The following ZC3H12B variants were observed in gnomAD, a reference collection of about 807,000 sequenced individuals.
ZC3H12B encodes probable ribonuclease ZC3H12B.
In ZC3H12B, 7 loss-of-function variants were observed where a neutral mutation model predicts 43.9. The observed-to-expected ratio is 0.16, with a 90% CI of 0.09 to 0.30. The LOEUF is 0.30. ZC3H12B is among the 10% of genes least tolerant of loss of function. The probability of loss-of-function intolerance (pLI) is 1.00; values close to 1 mark genes in which losing one functional copy is unlikely to be tolerated. For missense variants in ZC3H12B, 475 were observed against 670.2 expected, an observed-to-expected ratio of 0.71 and a Z score of 3.22; for synonymous variants, 222 against 241.7, an observed-to-expected ratio of 0.92 and a Z score of 0.76.
chrX:65,200,945 T>C, the ZC3H12B span, among the ~76,000 whole-genome samples: 432 of 111,502 alleles, frequency 3.9e-3, no homozygotes, highest in African/African-American at 0.013. Flanking sequence ...GGTTTGCCAG[T>C]ATTTTATTGA....
chrX:65,400,409 G>A (rs971102554), intron 3 of ZC3H12B, among the ~76,000 whole-genome samples: 2 of 110,774 alleles, frequency 1.8e-5, no homozygotes, highest in African/African-American at 6.6e-5. Context: ...AAAAGACTCT[G>A]GAATCTCTTA....
At chrX:65,075,954 T>G in the ZC3H12B span, among the ~76,000 whole-genome samples, 1 of 111,293 alleles carries the variant, frequency 9.0e-6, no homozygotes, top group Non-Finnish European at 1.9e-5. Context: ...GTGTGGCTGA[T>G]TTTAGCTTGC....
chrX:65,162,239 T>C, the ZC3H12B span, among the ~76,000 whole-genome samples: 1 of 111,184 alleles, frequency 9.0e-6, no homozygotes, highest in Non-Finnish European at 1.9e-5. Context: ...CTGACAATTA[T>C]GTGTCTTGGA....
the ZC3H12B span, among the ~76,000 whole-genome samples, chrX:65,228,720 G>A: frequency 1.0e-3 from 113 of 111,892 alleles, no homozygotes; most frequent in African/African-American, 3.5e-3. Context: ...AAAATCACAA[G>A]CATTCTTATA....
the ZC3H12B span, among the ~76,000 whole-genome samples, chrX:65,226,919 A>T: frequency 2.7e-5 from 3 of 111,202 alleles, no homozygotes; most frequent in Non-Finnish European, 5.7e-5. Flanking sequence ...TTAGACTCCC[A>T]CACAATAATA....
rs2067215415 is a variant in ZC3H12B at position 65,435,845 on chromosome X, T to C, written n.407+37141T>C. ...CCCAATTCAAATCTGAAAGTCAGAA[T>C]CAGAAGAACCAATGGTGTAACTCTT... On this transcript the variant is annotated intron_variant and non_coding_transcript_variant, in intron 3 of 5. Coordinates refer to the ZC3H12B transcript ENST00000617377. Among the ~76,000 whole-genome samples, 3 of 111,948 alleles carry C rather than the reference T, an allele frequency of 2.7e-5. No individual in the cohort carries two copies. The South Asian group carries it at 1.1e-3, about 42-fold the overall frequency.
chrX:65,097,743 A>T, the ZC3H12B span, among the ~76,000 whole-genome samples: 1 of 112,106 alleles, frequency 8.9e-6, no homozygotes, highest in African/African-American at 3.2e-5. Context: ...TCATCTAATA[A>T]CATGATAGTG....
the ZC3H12B span, among the ~76,000 whole-genome samples, chrX:65,159,094 A>G: frequency 9.0e-6 from 1 of 111,439 alleles, no homozygotes; most frequent in Non-Finnish European, 1.9e-5. Flanking sequence ...GATATGCGGC[A>G]TTATTTCTGA....
chrX:65,065,630 T>C, the ZC3H12B span, among the ~76,000 whole-genome samples: 1 of 111,398 alleles, frequency 9.0e-6, no homozygotes, highest in African/African-American at 3.3e-5. Context: ...TTGTGGTTTC[T>C]CTTCTCGAGG....
chrX:65,194,536 G>C, the ZC3H12B span, among the ~76,000 whole-genome samples: 7 of 111,860 alleles, frequency 6.3e-5, no homozygotes, highest in Non-Finnish European at 1.3e-4. Flanking sequence ...GGTCACATAA[G>C]ATAGTTGATG....
the ZC3H12B span, among the ~76,000 whole-genome samples, chrX:65,042,491 T>G: frequency 8.9e-6 from 1 of 112,735 alleles, no homozygotes. Context: ...AATACAAATG[T>G]TTCTAATCTA....
At chrX:65,061,660 G>A in the ZC3H12B span, among the ~76,000 whole-genome samples, 1 of 112,122 alleles carries the variant, frequency 8.9e-6, no homozygotes, top group Non-Finnish European at 1.9e-5. Context: ...AGAATGACTT[G>A]TAATCCTTTC....
intron 2 of ZC3H12B, among the ~76,000 whole-genome samples, chrX:65,374,009 A>AT (rs749539375): frequency 4.0e-4 from 10 of 25,131 alleles, no homozygotes; most frequent in African/African-American, 3.4e-3. Context: ...ATATATATAT[A>AT]ACTATATATA....
At chrX:65,290,428 G>T in the ZC3H12B span, among the ~76,000 whole-genome samples, 1 of 110,889 alleles carries the variant, frequency 9.0e-6, no homozygotes. Context: ...AAACAATGTT[G>T]AGACTTCCGA....
intron 3 of ZC3H12B, among the ~76,000 whole-genome samples, chrX:65,446,387 T>C (rs1199097616): frequency 1.8e-5 from 2 of 111,837 alleles, no homozygotes; most frequent in African/African-American, 3.3e-5. Context: ...CAAAATCCAC[T>C]GTATCTAAGC....
At chrX:65,440,840 C>G (rs766736357) in intron 3 of ZC3H12B, among the ~76,000 whole-genome samples, 1 of 111,863 alleles carries the variant, frequency 8.9e-6, no homozygotes, top group African/African-American at 3.2e-5. Flanking sequence ...AATGTTGGAG[C>G]TATGTGCCCA....
At chrX:65,327,213 A>C in the ZC3H12B span, among the ~76,000 whole-genome samples, 16 of 111,509 alleles carry the variant, frequency 1.4e-4, no homozygotes, top group Middle Eastern at 4.6e-3. Context: ...ACCTGTGTCC[A>C]TCAACACATG....
At chrX:65,155,986 T>C in the ZC3H12B span, among the ~76,000 whole-genome samples, 6 of 111,636 alleles carry the variant, frequency 5.4e-5, no homozygotes, top group Admixed American at 5.7e-4. Context: ...AGGATGTTTT[T>C]TCCACTACTA....
the ZC3H12B span, among the ~76,000 whole-genome samples, chrX:65,148,601 G>A: frequency 9.0e-6 from 1 of 110,983 alleles, no homozygotes; most frequent in Admixed American, 9.5e-5. Flanking sequence ...CCAGTTCTGG[G>A]GTCCACGGCG....
Sources: allele counts gnomAD v4.1 joint callset (sites outside exome capture counted in the v4.1 genomes callset), GRCh38; gene constraint gnomAD v4.1.1; transcripts MANE v1.5; gene names NCBI Gene and HGNC (gene_info 2026-07-23, HGNC 2026-07-21).